ZMYND8: variants seen among roughly 807,000 people sequenced by gnomAD.
ZMYND8 encodes MYND-type zinc finger-containing chromatin reader ZMYND8.
A neutral mutation model predicts 140.8 loss-of-function variants in ZMYND8; 37 were observed. The observed-to-expected ratio is 0.26, with a 90% confidence interval of 0.20 to 0.35. The LOEUF is 0.35. Ranked by LOEUF, ZMYND8 falls within the 10% of genes least tolerant of loss-of-function variation. The probability of loss-of-function intolerance (pLI) is 1.00; values close to 1 mark genes in which losing one functional copy is unlikely to be tolerated. For synonymous variants in ZMYND8, 592 were observed against 597.1 expected (o/e 0.99, Z 0.12); for missense variants, 1,068 against 1,570.0 (o/e 0.68, Z 5.40).
chr20:47,218,562 C>T (rs977234574), intron 21 of ZMYND8, among the ~76,000 whole-genome samples: 2 of 152,068 alleles, frequency 1.3e-5, no homozygotes, highest in African/African-American at 4.8e-5. Context: ...TAATGAAAAC[C>T]TTAAATTAAA....
chr20:47,326,912 T>C (rs1030198885), intron 2 of ZMYND8, among the ~76,000 whole-genome samples: 1 of 152,152 alleles, frequency 6.6e-6, no homozygotes, highest in Non-Finnish European at 1.5e-5. Flanking sequence ...CCCTCGGCTC[T>C]TATCAACTGC....
intron 1 of ZMYND8, chr20:47,348,957 G>A (rs1162091799): frequency 2.6e-5 from 4 of 152,236 alleles, no homozygotes; most frequent in Admixed American, 6.5e-5. Flanking sequence ...AGGAAGAAAT[G>A]GGTGCATCAC....
chr20:47,346,560 G>C (rs1375548063), intron 2 of ZMYND8, among the ~76,000 whole-genome samples: 4 of 151,912 alleles, frequency 2.6e-5, no homozygotes, highest in African/African-American at 4.8e-5. Flanking sequence ...CTGCTTCCCA[G>C]GTCCCAGCCT....
At chr20:47,356,400 T>C (rs773221600) in intron 1 of ZMYND8, 1 of 1,530,796 alleles carries the variant, frequency 6.5e-7, no homozygotes, top group South Asian at 1.2e-5. Flanking sequence ...CTTCAAACTC[T>C]TCCAGAAACA....
rs1363213330 is a variant in ZMYND8 at position 47,212,852 on chromosome 20, T to C, written c.3485-127A>G. 4 of 760,962 alleles carry C rather than the reference T, an allele frequency of 5.3e-6. No individual in the cohort carries two copies. In the African/African-American group the frequency reaches 7.1e-5, roughly 13 times the overall value. 47.1% of individuals were successfully genotyped at this position (760,962 alleles called of 1,614,324 possible). A position where few individuals can be genotyped will look rare whatever the true frequency, so the allele number is the denominator to read the frequency against. On this transcript the variant is annotated intron_variant, in intron 21 of 22. Coordinates refer to ENST00000471951, the MANE Select transcript of ZMYND8 (RefSeq NM_001281775.3). ...TAGAACCAGTTGGCACCTTCATTCA[T>C]GTCACCATTGTCCAACTTTAATGCA...
At chr20:47,307,439 T>C (rs2078578522) in intron 3 of ZMYND8, among the ~76,000 whole-genome samples, 1 of 151,636 alleles carries the variant, frequency 6.6e-6, no homozygotes, top group Non-Finnish European at 1.5e-5. Flanking sequence ...GCCTGGGCAA[T>C]GAGAGAGAAA....
At chr20:47,311,614 G>A (rs978975558) in intron 2 of ZMYND8, among the ~76,000 whole-genome samples, 1 of 151,952 alleles carries the variant, frequency 6.6e-6, no homozygotes, top group Non-Finnish European at 1.5e-5. Flanking sequence ...TTGGGTCAAA[G>A]GCCAAGTGGA....
Position 47,298,425 on chromosome 20 carries a change from T to C in ZMYND8, c.453+304A>G, listed in dbSNP as rs1225042857. On this transcript the variant is annotated intron_variant, in intron 4 of 22. Coordinates refer to ENST00000471951, the MANE Select transcript of ZMYND8 (RefSeq NM_001281775.3). This position sits in a 1 kb window ranked among gnomAD's most constrained non-coding sequence, Gnocchi z 5.0. ...CAAAATGTGTGAGCCGTTCATGATT[T>C]GGGAGTTAACTTTCAAAAAGTTCAT... The C allele has an allele frequency of 1.0e-6, 1 of 985,448 alleles. No individual in the cohort carries two copies. The highest frequency in any genetic ancestry group is 1.7e-5 in the African/African-American group (1 of 57,362). 61.0% of individuals were successfully genotyped at this position (985,448 alleles called of 1,614,324 possible).
At chr20:47,236,697 G>A (rs137975383) in intron 15 of ZMYND8, among the ~76,000 whole-genome samples, 181 bp from the exon 16 acceptor site, 14 of 152,282 alleles carry the variant, frequency 9.2e-5, no homozygotes, top group Non-Finnish European at 1.9e-4. Flanking sequence ...ACCTTGGCCT[G>A]GAAAGACTTG....
intron 11 of ZMYND8, among the ~76,000 whole-genome samples, chr20:47,263,192 C>T (rs570723685): frequency 1.3e-5 from 2 of 152,324 alleles, no homozygotes; most frequent in African/African-American, 2.4e-5. Context: ...TCAAATCCTG[C>T]CCCTTTGTCC....
rs1219370772 is a variant in ZMYND8 at position 47,209,481 on chromosome 20, C to T, written c.*1280G>A. On this transcript the variant is annotated 3_prime_UTR_variant, in exon 23 of 23. Transcript: ENST00000471951. Reference sequence around the variant, plus strand: ...TTTTTTTTTTTTGACAACTGCAATTCACAAATGTTCTTTCTCTCCTGTTTT... The same window carrying T: ...TTTTTTTTTTTTGACAACTGCAATTTACAAATGTTCTTTCTCTCCTGTTTT... 6.6e-6 allele frequency: 1 copy of T among 151,376 alleles called. No homozygotes were observed. Among genetic ancestry groups the T allele is most frequent in the East Asian group, 1.9e-4 (1 of 5,168 alleles). The allele number at this position is 151,376 out of a possible 1,614,324, so 9.4% of individuals were successfully genotyped here.
At chr20:47,333,433 T>C (rs548179388) in intron 2 of ZMYND8, among the ~76,000 whole-genome samples, 2 of 151,622 alleles carry the variant, frequency 1.3e-5, no homozygotes, top group South Asian at 4.2e-4. Context: ...AAACCCCGTC[T>C]CTACTAAAAA....
intron 11 of ZMYND8, among the ~76,000 whole-genome samples, chr20:47,266,844 T>C (rs930733046): frequency 1.3e-4 from 20 of 152,098 alleles, no homozygotes; most frequent in African/African-American, 4.8e-4. Context: ...GTGTGGTGTG[T>C]ATAGACAGTA....
chr20:47,247,147 G>T (rs1377278643), intron 13 of ZMYND8, among the ~76,000 whole-genome samples: 2 of 152,326 alleles, frequency 1.3e-5, no homozygotes, highest in Non-Finnish European at 2.9e-5. Flanking sequence ...AGGGTATCTT[G>T]TCTGCTTTTA....
At chr20:47,283,692 A>T (rs778007274) in intron 8 of ZMYND8, 44 bp from the exon 9 acceptor site, 1 of 1,577,954 alleles carries the variant, frequency 6.3e-7, no homozygotes, top group East Asian at 2.2e-5. Context: ...CCAGGGGTGG[A>T]TATCTTGTGG....
At position 47,229,743 on chromosome 20, in the gene ZMYND8, C is replaced by T. The variant is rs1357736020; in HGVS notation, c.2920G>A (p.Gly974Arg). 6.2e-7 allele frequency: 1 copy of T among 1,613,178 alleles called. No homozygotes were observed. ...IYNDLSKNTT[G>R]STIAEIRRLR... The stretch of plus-strand genomic sequence containing the variant: ...TCTCTGACCTCAGCTATTGTGCTTC[C>T]AGTAGTGTTTTTAGAAAGATCGTTG... The change falls in exon 17 of 23, where the codon GGA (glycine) becomes AGA (arginine). Residue 974 changes from glycine (G) to arginine (R), a missense_variant. By Grantham distance (125) the Gly-to-Arg change is moderately radical. Coordinates refer to ENST00000471951, the MANE Select transcript of ZMYND8 (RefSeq NM_001281775.3).
At chr20:47,351,785 A>T (rs1323249317) in intron 1 of ZMYND8, 1 of 985,340 alleles carries the variant, frequency 1.0e-6, no homozygotes, top group Non-Finnish European at 1.2e-6. Context: ...ACACTGCCTC[A>T]TTCCTGTGTT....
Position 47,227,239 on chromosome 20 carries a change from G to A in ZMYND8, c.2980C>T (p.His994Tyr). The change falls in exon 18 of 23, where the codon CAC becomes TAC. Residue 994 changes from histidine (H) to tyrosine (Y), a missense_variant. Transcript: ENST00000471951. The part of the protein sequence containing the change: ...RIEIEKLQWL[H>Y]QQELSEMKHN... Reference sequence around the variant, plus strand: ...TTCATTTCGGAGAGCTCTTGCTGGTGCAGCCACTGGAGCTTCTCTATCTCG... The same window carrying A: ...TTCATTTCGGAGAGCTCTTGCTGGTACAGCCACTGGAGCTTCTCTATCTCG... The A allele has an allele frequency of 6.2e-7, 1 of 1,613,874 alleles. No homozygotes were observed. Among genetic ancestry groups the A allele is most frequent in the Non-Finnish European group, 8.5e-7 (1 of 1,179,984 alleles).
chr20:47,216,495 CAAAAAAAAAAA>C (rs10536216), intron 21 of ZMYND8, among the ~76,000 whole-genome samples: 1 of 59,438 alleles, frequency 1.7e-5, no homozygotes, highest in African/African-American at 6.1e-5. Flanking sequence ...GACTCTGTCT[CAAAAAAAAAAA>C]AAAAAAAAAA....
Sources: gnomAD v4.1 joint callset for allele counts (sites outside exome capture counted in the v4.1 genomes callset) on GRCh38, gnomAD v4.1.1 for gene constraint, Gnocchi (gnomAD v3.1) non-coding constraint, MANE v1.5 for transcripts, NCBI Gene and HGNC (gene_info 2026-07-23, HGNC 2026-07-21) for gene names.